The following USP5 variants were observed in gnomAD, a reference collection of about 807,000 sequenced individuals.
The protein encoded by USP5 is ubiquitin carboxyl-terminal hydrolase 5.
Under a neutral mutation model 102.5 loss-of-function variants are expected in USP5, and 24 were observed. That is an observed-to-expected ratio of 0.23 (90% CI 0.17 to 0.33). The LOEUF is 0.33. Among genes scored for constraint, USP5 ranks in the 10% least tolerant of loss-of-function variants. USP5 has a pLI of 1.00. For missense variants in USP5, 753 were observed against 1,122.1 expected, an observed-to-expected ratio of 0.67 and a Z score of 4.70; for synonymous variants, 460 against 434.8, an observed-to-expected ratio of 1.06 and a Z score of -0.72.
Position 6,864,604 on chromosome 12 carries a change from G to C in USP5, c.2245-118G>C. ...CTTGGGAGGCTGAGGCAGGAGAAAG[G>C]CGTGAACCCGGGAGGCGGAGCTTGC... On this transcript the variant is annotated intron_variant, in intron 17 of 19. Coordinates refer to ENST00000229268, the MANE Select transcript of USP5 (RefSeq NM_001098536.2). The surrounding 1 kb of genome is among the most constrained non-coding windows in gnomAD (Gnocchi z 4.8). 2 of 1,153,892 alleles carry C rather than the reference G, an allele frequency of 1.7e-6. No homozygotes were observed. The highest frequency in any genetic ancestry group is 2.9e-5 in the South Asian group (2 of 68,434). 71.5% of individuals were successfully genotyped at this position (1,153,892 alleles called of 1,614,324 possible).
chr12:6,857,353 C>G (rs782088853), intron 6 of USP5: 2 of 417,232 alleles, frequency 4.8e-6, no homozygotes, highest in Non-Finnish European at 8.6e-6. Flanking sequence ...AAATCCTCAT[C>G]CCTTTCCTAC....
chr12:6,856,669 G>A lies in USP5; in HGVS notation c.585-38G>A, dbSNP rs183840287. 371 of 1,608,766 alleles carry A rather than the reference G, an allele frequency of 2.3e-4. No homozygotes were observed. Among genetic ancestry groups the A allele is most frequent in the East Asian group, 1.9e-3 (84 of 44,820 alleles). The stretch of plus-strand genomic sequence containing the variant: ...CTCTCTGCCACTCCCTCAAATCCCC[G>A]ACCCACATTTCTGCTGATTCTCTTC... On this transcript the variant is annotated intron_variant, in intron 5 of 19. Transcript: ENST00000229268. The surrounding 1 kb of genome is among the most constrained non-coding windows in gnomAD (Gnocchi z 5.6).
chr12:6,853,454 C>T (rs1555127485), intron 1 of USP5, among the ~76,000 whole-genome samples: 1 of 152,244 alleles, frequency 6.6e-6, no homozygotes, highest in South Asian at 2.1e-4. Flanking sequence ...GAGCACTGCG[C>T]GGAGCAGAGC....
chr12:6,865,870 G>T, intron 19 of USP5, 114 bp from the exon 20 acceptor site: 1 of 877,840 alleles, frequency 1.1e-6, no homozygotes, highest in East Asian at 2.5e-5. Flanking sequence ...TGTGGATTTG[G>T]GGTATGGGCA....
Position 6,864,015 on chromosome 12 carries a change from C to T in USP5, c.2099-35C>T. On this transcript the variant is annotated intron_variant, in intron 16 of 19. Transcript: ENST00000229268. This position sits in a 1 kb window ranked among gnomAD's most constrained non-coding sequence, Gnocchi z 4.8. ...AGCAGGGTGGGGCAGGGCCTCCATC[C>T]TCCCCCAAACACATCAACCCCTTCA... 1 of 1,579,248 alleles carries T rather than the reference C, an allele frequency of 6.3e-7. No individual in the cohort carries two copies. Among genetic ancestry groups the T allele is most frequent in the East Asian group, 2.3e-5 (1 of 44,252 alleles).
chr12:6,861,566 A>G lies in USP5; in HGVS notation c.1622A>G (p.Gln541Arg). The change falls in exon 13 of 20, where the codon CAG becomes CGG. Residue 541 changes from glutamine to arginine, a missense_variant. Gln to Arg is a conservative substitution (Grantham distance 43, BLOSUM62 1). Coordinates refer to ENST00000229268, the MANE Select transcript of USP5 (RefSeq NM_001098536.2). This position sits in a 1 kb window ranked among gnomAD's most constrained non-coding sequence, Gnocchi z 4.9. Reference sequence around the variant, plus strand: ...CTGGAGGCCTACGGGGCCCCTGAGCAGGTCGATGACTTCTGGAGCACGGCC... The same window carrying G: ...CTGGAGGCCTACGGGGCCCCTGAGCGGGTCGATGACTTCTGGAGCACGGCC... ...SCLEAYGAPE[Q>R]VDDFWSTALQ... is the part of the protein sequence containing the mutation. 6.3e-7 allele frequency: 1 copy of G among 1,597,958 alleles called. No homozygotes were observed. Among genetic ancestry groups the G allele is most frequent in the Non-Finnish European group, 8.6e-7 (1 of 1,167,926 alleles).
intron 1 of USP5, among the ~76,000 whole-genome samples, chr12:6,853,599 G>A (rs1944013611): frequency 6.6e-6 from 1 of 152,222 alleles, no homozygotes; most frequent in Admixed American, 6.5e-5. Flanking sequence ...AGAAGTCAGT[G>A]GGTCCCTCTT....
In USP5 at chr12:6,860,385, C is replaced by T; in HGVS notation, c.1238C>T (p.Ala413Val). 2 of 1,614,158 alleles carry T rather than the reference C, an allele frequency of 1.2e-6. No individual in the cohort carries two copies. Among genetic ancestry groups the T allele is most frequent in the East Asian group, 2.2e-5 (1 of 44,882 alleles). Residue 413 changes from alanine to valine, a missense_variant, in exon 11 of 20, where the codon GCC becomes GTC. Around this residue, in one of 3 missense-constraint regions of USP5, gnomAD observed 527 missense variants for 816.5 expected, o/e 0.65. Transcript: ENST00000229268. This position sits in a 1 kb window ranked among gnomAD's most constrained non-coding sequence, Gnocchi z 5.5. The part of the protein sequence containing the change: ...PEQKEVQDGI[A>V]PRMFKALIGK... ...TCCCAGGAAGTTCAAGATGGCATTG[C>T]CCCTCGGATGTTCAAGGCCCTCATC...
At position 6,860,374 on chromosome 12, in the gene USP5, A is replaced by G. The variant is rs782545481; in HGVS notation, c.1227A>G (p.Gln409=). The change falls in exon 11 of 20, where the codon CAA becomes CAG. Residue 409 remains glutamine (Q), a synonymous_variant. Coordinates refer to ENST00000229268, the MANE Select transcript of USP5 (RefSeq NM_001098536.2). This position sits in a 1 kb window ranked among gnomAD's most constrained non-coding sequence, Gnocchi z 5.5. ...GERVPEQKEV[Q]DGIAPRMFKA... ...GCCCTGACTCTTCCCAGGAAGTTCA[A>G]GATGGCATTGCCCCTCGGATGTTCA... is the stretch of plus-strand genomic sequence containing the variant. 1 of 1,614,192 alleles carries G rather than the reference A, an allele frequency of 6.2e-7. No homozygotes were observed. Among genetic ancestry groups the G allele is most frequent in the African/African-American group, 1.3e-5 (1 of 75,052 alleles).
Position 6,855,957 on chromosome 12 carries a change from A to T in USP5, c.305-60A>T. On this transcript the variant is annotated intron_variant, in intron 3 of 19. Coordinates refer to ENST00000229268, the MANE Select transcript of USP5 (RefSeq NM_001098536.2). This position sits in a 1 kb window ranked among gnomAD's most constrained non-coding sequence, Gnocchi z 4.6. ...TGGGGCAAGTGAGGTGCTGGCTCGG[A>T]GGAGGGACATTGACCTGTTGTCATT... 4.4e-6 allele frequency: 7 copies of T among 1,608,472 alleles called. 1 individual carries two copies. The South Asian group carries it at 7.7e-5, about 18-fold the overall frequency.
rs782254816 is a variant in USP5 at position 6,864,847 on chromosome 12, G to C, written c.2370G>C (p.Val790=). 6.2e-7 allele frequency: 1 copy of C among 1,613,854 alleles called. No individual in the cohort carries two copies. Among genetic ancestry groups the C allele is most frequent in the South Asian group, 1.1e-5 (1 of 91,082 alleles). The change falls in exon 18 of 20, where the codon GTG becomes GTC. Residue 790 remains valine (V), a synonymous_variant. Transcript: ENST00000229268. This position sits in a 1 kb window ranked among gnomAD's most constrained non-coding sequence, Gnocchi z 4.8. ...AADSISESVP[V]GPKVRDGPGK... is the part of the protein sequence containing the mutation. ...ACTCCATCTCTGAGTCTGTGCCAGT[G>C]GGACCTAAAGTCCGGGATGGTCCTG...
chr12:6,858,674 ACTC>A lies in USP5; in HGVS notation c.1058+63_1058+65del, dbSNP rs1555128884. On this transcript the variant is annotated intron_variant, in intron 8 of 19. Coordinates refer to ENST00000229268, the MANE Select transcript of USP5 (RefSeq NM_001098536.2). This position sits in a 1 kb window ranked among gnomAD's most constrained non-coding sequence, Gnocchi z 4.2. ...CTCCTGGTCAGCACCCTCTGGGCATACTCCTCCTTCAGCTTCCCTCAGCACCTC... is the reference window on the plus strand; with the variant it reads ...CTCCTGGTCAGCACCCTCTGGGCATACTCCTTCAGCTTCCCTCAGCACCTC... 6.7e-7 allele frequency: 1 copy of A among 1,493,420 alleles called. No homozygotes were observed. Among genetic ancestry groups the A allele is most frequent in the Non-Finnish European group, 9.2e-7 (1 of 1,091,172 alleles). The allele number at this position is 1,493,420 out of a possible 1,614,324, so 92.5% of individuals were successfully genotyped here.
Position 6,863,386 on chromosome 12 carries a change from CTCT to C in USP5, c.1954+15_1954+17del, listed in dbSNP as rs2138067190. On this transcript the variant is annotated intron_variant, in intron 15 of 19. Coordinates refer to ENST00000229268, the MANE Select transcript of USP5 (RefSeq NM_001098536.2). This position sits in a 1 kb window ranked among gnomAD's most constrained non-coding sequence, Gnocchi z 4.7. The stretch of plus-strand genomic sequence containing the variant: ...CTTCTCCTCTCCGACATGTTAGTGA[CTCT>C]TCTTCCTGCCTGTCTCTCTCCCGTG... 1.2e-6 allele frequency: 2 copies of C among 1,611,150 alleles called. No homozygotes were observed. The highest frequency in any genetic ancestry group is 4.5e-5 in the East Asian group (2 of 44,858).
chr12:6,853,593 G>A (rs898344501), intron 1 of USP5, among the ~76,000 whole-genome samples: 1 of 152,240 alleles, frequency 6.6e-6, no homozygotes, highest in Non-Finnish European at 1.5e-5. Context: ...GGTGGTAGAA[G>A]TCAGTGGGTC....
Position 6,859,550 on chromosome 12 carries a change from C to T in USP5, c.1130+9C>T, listed in dbSNP as rs1555129056. On this transcript the variant is annotated intron_variant, in intron 9 of 19. Transcript: ENST00000229268. ...GATTTCAGCACCCAGGTGTATGTAA[C>T]CAGGTCCTATGTAGGAAAGCTGTTG... 1 of 1,614,046 alleles carries T rather than the reference C, an allele frequency of 6.2e-7. No individual in the cohort carries two copies. Among genetic ancestry groups the T allele is most frequent in the Non-Finnish European group, 8.5e-7 (1 of 1,179,888 alleles).
rs782713720 is a variant in USP5 at position 6,863,808 on chromosome 12, G to T, written c.1955-22G>T. The T allele has an allele frequency of 8.0e-5, 124 of 1,553,524 alleles. 1 individual carries two copies. The Middle Eastern group carries it at 3.5e-3, about 44-fold the overall frequency. ...ACAGTGGCCCAATCAGTCGGTCCGT[G>T]TACCCACAATTCCCATTACAGCGCC... On this transcript the variant is annotated intron_variant, in intron 15 of 19. Transcript: ENST00000229268. This position sits in a 1 kb window ranked among gnomAD's most constrained non-coding sequence, Gnocchi z 4.7.
intron 1 of USP5, 140 bp downstream of exon 1, chr12:6,852,430 GT>G (rs1207967117): frequency 1.1e-6 from 1 of 911,308 alleles, no homozygotes; most frequent in East Asian, 2.7e-5. Flanking sequence ...CCACTCTGCC[GT>G]TGCCTTTCAT....
rs1555130544 is a variant in USP5 at position 6,865,191 on chromosome 12, ACATGGGCAC to A, written c.2428_2436del (p.Met810_Thr812del). 1 of 1,613,958 alleles carries A rather than the reference ACATGGGCAC, an allele frequency of 6.2e-7. No individual in the cohort carries two copies. The highest frequency in any genetic ancestry group is 1.7e-5 in the Admixed American group (1 of 60,020). On this transcript the variant is annotated inframe_deletion, in exon 19 of 20. Coordinates refer to ENST00000229268, the MANE Select transcript of USP5 (RefSeq NM_001098536.2). ...TATCAGCTCTTTGCCTTCATTAGTC[ACATGGGCAC>A]CTCTACCATGTGTGGTCACTACGTC...
At chr12:6,859,096 C>G (rs1179836309) in intron 8 of USP5, among the ~76,000 whole-genome samples, 1 of 152,094 alleles carries the variant, frequency 6.6e-6, no homozygotes, top group Admixed American at 6.5e-5. Flanking sequence ...AGGAGGGGGG[C>G]TTGGCACACT....
Sources: allele counts gnomAD v4.1 joint callset (sites outside exome capture counted in the v4.1 genomes callset), GRCh38; gene constraint gnomAD v4.1.1; regional missense constraint gnomAD v4.1.1; non-coding constraint Gnocchi (gnomAD v3.1); transcripts MANE v1.5; gene names NCBI Gene and HGNC (gene_info 2026-07-23, HGNC 2026-07-21).